Variants in SFXN2 observed in about 807,000 individuals in gnomAD.
The protein encoded by SFXN2 is sideroflexin-2.
A neutral mutation model predicts 41.9 loss-of-function variants in SFXN2; 37 were observed. That is an observed-to-expected ratio of 0.88 (90% CI 0.68 to 1.16). SFXN2 has a LOEUF of 1.16. Ranked by LOEUF, SFXN2 falls within the 50% of genes most tolerant of loss-of-function variation. SFXN2 has a pLI of 0.00. For missense variants in SFXN2, 386 were observed against 425.2 expected (o/e 0.91, Z 0.81); for synonymous variants, 150 against 156.7 (o/e 0.96, Z 0.32).
intron 1 of SFXN2, among the ~76,000 whole-genome samples, chr10:102,724,650 C>T (rs1377288534): frequency 6.6e-6 from 1 of 151,762 alleles, no homozygotes; most frequent in Non-Finnish European, 1.5e-5. Flanking sequence ...TGAAGTGAGC[C>T]GAGATCGTGC....
chr10:102,731,781 CG>C lies in SFXN2; in HGVS notation c.654+1del. The C allele has an allele frequency of 6.2e-7, 1 of 1,613,606 alleles. No homozygotes were observed. Among genetic ancestry groups the C allele is most frequent in the Non-Finnish European group, 8.5e-7 (1 of 1,179,658 alleles). ...DRNENEIGHSRRAAAIGITQV... is the reference protein window; with the variant it reads ...DRNENEIGHSXRAAAIGITQV... ...GAATGAAAATGAGATTGGTCATTCC[CG>C]GGTGAGCAGAGGCCTCCCTTTGGGG... is the stretch of plus-strand genomic sequence containing the variant. On this transcript the variant is annotated frameshift_variant and splice_region_variant, in exon 7 of 12. Coordinates refer to ENST00000369893, the MANE Select transcript of SFXN2 (RefSeq NM_178858.6). LOFTEE classifies it high-confidence loss of function.
chr10:102,732,470 A>G (rs1248922533), intron 8 of SFXN2, among the ~76,000 whole-genome samples: 1 of 152,236 alleles, frequency 6.6e-6, no homozygotes, highest in African/African-American at 2.4e-5. Flanking sequence ...TGTTAGACAC[A>G]GTGTGGGGTG....
At chr10:102,723,030 C>G (rs908338016) in intron 1 of SFXN2, among the ~76,000 whole-genome samples, 20 of 142,878 alleles carry the variant, frequency 1.4e-4, no homozygotes, top group Middle Eastern at 3.7e-3. Flanking sequence ...CTCCTGGGCT[C>G]AAGCATTCCT....
rs565229038 is a variant in SFXN2, at chr10:102,743,252, A to G, written c.*5490A>G. The G allele has an allele frequency of 2.0e-5, 3 of 152,456 alleles. No individual in the cohort carries two copies. The highest frequency in any genetic ancestry group is 4.4e-5 in the Non-Finnish European group (3 of 68,066). The allele number at this position is 152,456 out of a possible 1,614,324, so 9.4% of individuals were successfully genotyped here. A position where few individuals can be genotyped will look rare whatever the true frequency, so the allele number is the denominator to read the frequency against. ...GGCAGCAGGGAAGCCATTTGTATTT[A>G]GCTAGAAGAACATGGATTGAAGCAA... On this transcript the variant is annotated 3_prime_UTR_variant, in exon 12 of 12. Coordinates refer to ENST00000369893, the MANE Select transcript of SFXN2 (RefSeq NM_178858.6).
intron 5 of SFXN2, 125 bp downstream of exon 5, chr10:102,729,519 C>T (rs2064667900): frequency 8.0e-7 from 1 of 1,244,426 alleles, no homozygotes; most frequent in Non-Finnish European, 1.1e-6. Flanking sequence ...GCCCGGCTGG[C>T]CAAGTGATGA....
Position 102,722,693 on chromosome 10 carries a change from AC to A in SFXN2, c.-25-3917del, listed in dbSNP as rs2064525607. ...GTAGCTGGGACCACAGGCACATGCAACCACGCCTGGCTATGTTTTTTTCTTT... is the reference window on the plus strand; with the variant it reads ...GTAGCTGGGACCACAGGCACATGCAACACGCCTGGCTATGTTTTTTTCTTT... On this transcript the variant is annotated intron_variant, in intron 1 of 11. Transcript: ENST00000369893. Among the ~76,000 whole-genome samples the A allele has an allele frequency of 2.6e-5, 4 of 151,908 alleles. No individual in the cohort carries two copies. The South Asian group carries it at 8.3e-4, about 32-fold the overall frequency.
At chr10:102,717,124 CTTTTTTTTTTT>C (rs55839661) in intron 1 of SFXN2, among the ~76,000 whole-genome samples, 1 of 97,220 alleles carries the variant, frequency 1.0e-5, no homozygotes, top group African/African-American at 4.1e-5. Context: ...TTCTCTCTCT[CTTTTTTTTTTT>C]TTTTTTTTTT....
At chr10:102,721,247 G>T (rs2064504497) in intron 1 of SFXN2, among the ~76,000 whole-genome samples, 1 of 151,868 alleles carries the variant, frequency 6.6e-6, no homozygotes, top group Admixed American at 6.6e-5. Context: ...GCCAGGAGTG[G>T]TGCATGCCTG....
Position 102,726,504 on chromosome 10 carries a change from T to C in SFXN2, c.-25-108T>C, listed in dbSNP as rs557900595. 1.7e-5 allele frequency: 19 copies of C among 1,150,348 alleles called. No individual in the cohort carries two copies. The East Asian group carries it at 3.6e-4, about 22-fold the overall frequency. The allele number at this position is 1,150,348 out of a possible 1,614,324, so 71.3% of individuals were successfully genotyped here. A position where few individuals can be genotyped will look rare whatever the true frequency, so the allele number is the denominator to read the frequency against. On this transcript the variant is annotated intron_variant, in intron 1 of 11. Coordinates refer to ENST00000369893, the MANE Select transcript of SFXN2 (RefSeq NM_178858.6). ...GGCCCTCCCAAGCTGAGTCAGACGA[T>C]GCCCAGTAGCTGGTGAGAGCAGGCA...
Position 102,728,443 on chromosome 10 carries a change from GGTGATCTTCTGGCA to G in SFXN2, c.349_362del (p.Ile117GlyfsTer67), listed in dbSNP as rs1340292446. On this transcript the variant is annotated frameshift_variant, in exon 4 of 12. Transcript: ENST00000369893. LOFTEE classifies it high-confidence loss of function. Reference sequence around the variant, plus strand: ...TCCTCACTGGTAGGACGATGCCGGCGGTGATCTTCTGGCAGTGGGTGAACCAGTCCTTCAATGCC... The same window carrying G: ...TCCTCACTGGTAGGACGATGCCGGCGGTGGGTGAACCAGTCCTTCAATGCC... The G allele has an allele frequency of 4.3e-6, 7 of 1,613,910 alleles. No individual in the cohort carries two copies. The highest frequency in any genetic ancestry group is 5.9e-6 in the Non-Finnish European group (7 of 1,179,984).
At chr10:102,728,305 A>T (rs958338466) in intron 3 of SFXN2, 126 bp from the exon 4 acceptor site, 1 of 748,316 alleles carries the variant, frequency 1.3e-6, no homozygotes, top group African/African-American at 1.8e-5. Context: ...TCTCAAAAAA[A>T]TAAAAATAAA....
chr10:102,729,214 G>T (rs1004245776), intron 4 of SFXN2, 105 bp from the exon 5 acceptor site: 4 of 1,005,002 alleles, frequency 4.0e-6, no homozygotes, highest in Admixed American at 1.9e-5. Context: ...GATCCTGTGC[G>T]GTTTTCACGC....
rs1183818860 is a variant in SFXN2 at position 102,734,474 on chromosome 10, T to C, written c.821+871T>C. Among the ~76,000 whole-genome samples, 2 of 152,192 alleles carry C rather than the reference T, an allele frequency of 1.3e-5. No homozygotes were observed. The highest frequency in any genetic ancestry group is 2.9e-5 in the Non-Finnish European group (2 of 68,038). The stretch of plus-strand genomic sequence containing the variant: ...TAGAAATCTACATATTATTATCATC[T>C]CCTTTTACAAATGAAGAAACTGAGA... On this transcript the variant is annotated intron_variant, in intron 10 of 11. Coordinates refer to ENST00000369893, the MANE Select transcript of SFXN2 (RefSeq NM_178858.6). The surrounding 1 kb of genome is among the most constrained non-coding windows in gnomAD (Gnocchi z 4.1).
At position 102,734,810 on chromosome 10, in the gene SFXN2, G is replaced by A. The variant is rs763441965; in HGVS notation, c.822-1052G>A. 1.5e-4 allele frequency among the ~76,000 whole-genome samples: 23 copies of A among 152,232 alleles called. No individual in the cohort carries two copies. Among genetic ancestry groups the A allele is most frequent in the Non-Finnish European group, 2.8e-4 (19 of 68,008 alleles). ...CAACCCAGGTCTGTCAGAGTCCCGC[G>A]TCCTGTAAGACCTTGCCTCCCAAAC... On this transcript the variant is annotated intron_variant, in intron 10 of 11. Transcript: ENST00000369893. This position sits in a 1 kb window ranked among gnomAD's most constrained non-coding sequence, Gnocchi z 4.1.
rs1436646069 is a variant in SFXN2 at position 102,742,860 on chromosome 10, C to CA, written c.*5104dup. On this transcript the variant is annotated 3_prime_UTR_variant, in exon 12 of 12. Coordinates refer to ENST00000369893, the MANE Select transcript of SFXN2 (RefSeq NM_178858.6). The stretch of plus-strand genomic sequence containing the variant: ...AAGAAGAAAGACCTGGTATGCTGTA[C>CA]AAAAAACTGCAAACCAGGCACGCAG... 6.6e-6 allele frequency: 1 copy of CA among 152,112 alleles called. No individual in the cohort carries two copies. Among genetic ancestry groups the CA allele is most frequent in the Non-Finnish European group, 1.5e-5 (1 of 68,032 alleles). The allele number at this position is 152,112 out of a possible 1,614,324, so 9.4% of individuals were successfully genotyped here. A position where few individuals can be genotyped will look rare whatever the true frequency, so the allele number is the denominator to read the frequency against.
chr10:102,733,637 G>A (rs377725880), intron 10 of SFXN2, 34 bp downstream of exon 10: 280 of 1,590,968 alleles, frequency 1.8e-4, no homozygotes, highest in Admixed American at 1.2e-3. Flanking sequence ...TGGGTTCTGC[G>A]TGGCTGGAGC....
intron 1 of SFXN2, chr10:102,717,712 A>C: frequency 3.1e-6 from 3 of 977,638 alleles, no homozygotes; most frequent in Non-Finnish European, 3.6e-6. Flanking sequence ...GGCAGGTTCT[A>C]AGTTTGACTT....
rs1195253276 is a variant in SFXN2 at position 102,729,302 on chromosome 10, T to G, written c.432-17T>G. ...CCGGCAGGGGCCCCACTCCCAAGCA[T>G]CTCTCTCCTCCCCCAGGCAGATGGC... On this transcript the variant is annotated splice_polypyrimidine_tract_variant and intron_variant, in intron 4 of 11. Coordinates refer to ENST00000369893, the MANE Select transcript of SFXN2 (RefSeq NM_178858.6). The G allele has an allele frequency of 6.2e-7, 1 of 1,613,474 alleles. No individual in the cohort carries two copies. The highest frequency in any genetic ancestry group is 8.5e-7 in the Non-Finnish European group (1 of 1,179,586).
chr10:102,729,365 A>G lies in SFXN2; in HGVS notation c.478A>G (p.Thr160Ala). 1 of 1,614,160 alleles carries G rather than the reference A, an allele frequency of 6.2e-7. No homozygotes were observed. The highest frequency in any genetic ancestry group is 8.5e-7 in the Non-Finnish European group (1 of 1,180,022). Residue 160 changes from threonine (T) to alanine (A), a missense_variant, in exon 5 of 12, where the codon ACG (threonine) becomes GCG (alanine). Transcript: ENST00000369893. ...CACAGCCACAACCACTGCTGTGGCC[A>G]CGGCTGTGGGCATGAACATGTTGAC... is the stretch of plus-strand genomic sequence containing the variant. ...YFTATTTAVATAVGMNMLTKK... is the reference protein window; with the variant it reads ...YFTATTTAVAAAVGMNMLTKK...
Sources: allele counts gnomAD v4.1 joint callset (sites outside exome capture counted in the v4.1 genomes callset), GRCh38; gene constraint gnomAD v4.1.1; non-coding constraint Gnocchi (gnomAD v3.1); transcripts MANE v1.5; gene names NCBI Gene and HGNC (gene_info 2026-07-23, HGNC 2026-07-21).